The following POFUT1 variants were observed in gnomAD, a reference collection of about 807,000 sequenced individuals.
POFUT1 encodes the protein GDP-fucose protein O-fucosyltransferase 1.
POFUT1 carries 16 observed loss-of-function variants against 42.4 expected under a neutral mutation model. The ratio of observed to expected loss-of-function variants is 0.38; its 90% CI spans 0.26 to 0.57. POFUT1 has a LOEUF of 0.57. POFUT1 is among the 20% of genes least tolerant of loss of function. The pLI is 0.71. For synonymous variants in POFUT1, 206 were observed against 205.4 expected (o/e 1.00, Z -0.03); for missense variants, 470 against 504.6 (o/e 0.93, Z 0.66).
chr20:32,227,725 G>A (rs751455125), intron 4 of POFUT1, among the ~76,000 whole-genome samples: 3 of 152,228 alleles, frequency 2.0e-5, no homozygotes, highest in Non-Finnish European at 4.4e-5. Context: ...CCCTTCCATA[G>A]CGCAGGGACT....
At chr20:32,223,685 G>T in intron 4 of POFUT1, 1 of 985,356 alleles carries the variant, frequency 1.0e-6, no homozygotes, top group Middle Eastern at 5.2e-4. Context: ...GCCTGATCGG[G>T]TCTTTCTGGT....
At chr20:32,224,647 C>T (rs577009188) in intron 4 of POFUT1, among the ~76,000 whole-genome samples, 1 of 152,236 alleles carries the variant, frequency 6.6e-6, no homozygotes, top group African/African-American at 2.4e-5. Context: ...GGAACACTCC[C>T]TAAGGAGGTG....
chr20:32,226,678 A>G (rs1240176509), intron 4 of POFUT1, among the ~76,000 whole-genome samples: 1 of 152,188 alleles, frequency 6.6e-6, no homozygotes. Flanking sequence ...GTTTATATAA[A>G]TGGAACCATA....
intron 4 of POFUT1, chr20:32,216,981 C>T (rs202158895): frequency 2.5e-5 from 40 of 1,611,686 alleles, no homozygotes; most frequent in African/African-American, 8.0e-5. Context: ...ATTCTGCAGT[C>T]GCATGAGTCT....
intron 4 of POFUT1, among the ~76,000 whole-genome samples, chr20:32,226,311 T>C (rs1262356980): frequency 1.3e-5 from 2 of 152,214 alleles, no homozygotes; most frequent in African/African-American, 2.4e-5. Flanking sequence ...CAACCTCCCA[T>C]GTACCCTTTA....
intron 1 of POFUT1, among the ~76,000 whole-genome samples, chr20:32,209,503 G>T (rs1435096365): frequency 6.6e-6 from 1 of 152,174 alleles, no homozygotes; most frequent in Non-Finnish European, 1.5e-5. Context: ...AATCATATTT[G>T]TGAAATGAAT....
Position 32,210,095 on chromosome 20 carries a change from A to T in POFUT1, c.149A>T (p.His50Leu), listed in dbSNP as rs762752243. The change falls in exon 2 of 7, where the codon CAC (histidine) becomes CTC (leucine). Residue 50 changes from histidine to leucine, a missense_variant. His to Leu is a moderately conservative substitution (Grantham distance 99). Transcript: ENST00000375749. Reference protein sequence around the residue: ...CMGRFGNQADHFLGSLAFAKL... With the variant: ...CMGRFGNQADLFLGSLAFAKL... ...GGGCGCTTTGGGAACCAGGCCGATCACTTCTTGGGCTCTCTGGCATTTGCA... is the reference window on the plus strand; with the variant it reads ...GGGCGCTTTGGGAACCAGGCCGATCTCTTCTTGGGCTCTCTGGCATTTGCA... 6.2e-7 allele frequency: 1 copy of T among 1,614,052 alleles called. No homozygotes were observed. Among genetic ancestry groups the T allele is most frequent in the South Asian group, 1.1e-5 (1 of 91,078 alleles).
chr20:32,217,664 A>G lies in POFUT1; in HGVS notation c.542+943A>G, dbSNP rs926418458. 6.1e-6 allele frequency: 6 copies of G among 985,542 alleles called. No homozygotes were observed. The African/African-American group carries it at 7.0e-5, about 11-fold the overall frequency. The allele number at this position is 985,542 out of a possible 1,614,324, so 61.0% of individuals were successfully genotyped here. ...GAGTGAGATAGCCAGCGCTGATGGTATCTGCCTCGTAGTGCATGAAGTGCA... is the reference window on the plus strand; with the variant it reads ...GAGTGAGATAGCCAGCGCTGATGGTGTCTGCCTCGTAGTGCATGAAGTGCA... On this transcript the variant is annotated intron_variant, in intron 4 of 6. Coordinates refer to ENST00000375749, the MANE Select transcript of POFUT1 (RefSeq NM_015352.2).
At chr20:32,223,657 C>T (rs1194303269) in intron 4 of POFUT1, 46 of 985,328 alleles carry the variant, frequency 4.7e-5, no homozygotes, top group Non-Finnish European at 5.5e-5. Context: ...GAATTCCTTC[C>T]TTCTCTAACC....
Position 32,211,758 on chromosome 20 carries a change from C to T in POFUT1, c.246+1566C>T, listed in dbSNP as rs556082508. On this transcript the variant is annotated intron_variant, in intron 2 of 6. Transcript: ENST00000375749. Reference sequence around the variant, plus strand: ...CATTCTCACTGAGGTCACCAGTGACCTCCAAATTGGCAGGGGTTATTTCCC... The same window carrying T: ...CATTCTCACTGAGGTCACCAGTGACTTCCAAATTGGCAGGGGTTATTTCCC... 2.5e-4 allele frequency among the ~76,000 whole-genome samples: 38 copies of T among 152,310 alleles called. No individual in the cohort carries two copies. In the South Asian group the frequency reaches 3.1e-3, roughly 12 times the overall value.
chr20:32,217,249 T>C (rs1227159682), intron 4 of POFUT1: 6 of 1,392,062 alleles, frequency 4.3e-6, no homozygotes, highest in Non-Finnish European at 5.6e-6. Flanking sequence ...CAGAGGCCAA[T>C]GGTGATGTGT....
Position 32,234,672 on chromosome 20 carries a change from A to C in POFUT1, c.*11A>C, listed in dbSNP as rs759461335. On this transcript the variant is annotated 3_prime_UTR_variant, in exon 7 of 7. Coordinates refer to ENST00000375749, the MANE Select transcript of POFUT1 (RefSeq NM_015352.2). ...CGGGACGAGTTCTGATTCTGGCCGG[A>C]GCACCAGACCCTCTGATCCTGGAGG... 1 of 1,593,132 alleles carries C rather than the reference A, an allele frequency of 6.3e-7. No homozygotes were observed. Among genetic ancestry groups the C allele is most frequent in the Non-Finnish European group, 8.6e-7 (1 of 1,168,410 alleles).
Position 32,208,077 on chromosome 20 carries a change from C to G in POFUT1, c.124+12C>G. On this transcript the variant is annotated intron_variant, in intron 1 of 6. Transcript: ENST00000375749. The stretch of plus-strand genomic sequence containing the variant: ...CTGCCCCTGCATGGGTAAGGCCTCC[C>G]AAGCCCTCTGCTCAGATGGAGAAAC... The G allele has an allele frequency of 6.5e-7, 1 of 1,543,696 alleles. No homozygotes were observed. The highest frequency in any genetic ancestry group is 2.4e-5 in the East Asian group (1 of 40,842).
intron 1 of POFUT1, 94 bp downstream of exon 1, chr20:32,208,159 TC>T: frequency 7.8e-7 from 1 of 1,277,718 alleles, no homozygotes; most frequent in Non-Finnish European, 1.1e-6. Context: ...CCTTCACAGG[TC>T]CAGGAGAGAA....
chr20:32,217,752 T>A, intron 4 of POFUT1: 1 of 984,908 alleles, frequency 1.0e-6, no homozygotes, highest in South Asian at 4.7e-5. Context: ...TGCTTTATTT[T>A]ATTTAAGACT....
Position 32,210,065 on chromosome 20 carries a change from T to C in POFUT1, c.125-6T>C, listed in dbSNP as rs772495633. ...CCTCACCTCACCCGCAATGTACCAT[T>C]TCCAGGGCGCTTTGGGAACCAGGCC... On this transcript the variant is annotated splice_region_variant and splice_polypyrimidine_tract_variant and intron_variant, in intron 1 of 6. Coordinates refer to ENST00000375749, the MANE Select transcript of POFUT1 (RefSeq NM_015352.2). 1 of 1,614,144 alleles carries C rather than the reference T, an allele frequency of 6.2e-7. No individual in the cohort carries two copies. The highest frequency in any genetic ancestry group is 1.1e-5 in the South Asian group (1 of 91,086).
rs749368911 is a variant in POFUT1 at position 32,215,285 on chromosome 20, A to G, written c.263A>G (p.Gln88Arg). The G allele has an allele frequency of 1.2e-6, 2 of 1,612,280 alleles. No homozygotes were observed. Among genetic ancestry groups the G allele is most frequent in the South Asian group, 1.1e-5 (1 of 91,050 alleles). ...TTCCTGTAGCTCCATGTGTCCTACC[A>G]GAAGTACTTCAAGCTGGAGCCCCTC... ...PPFTNLHVSY[Q>R]KYFKLEPLQA... The change falls in exon 3 of 7, where the codon CAG becomes CGG. Residue 88 changes from glutamine (Q) to arginine (R), a missense_variant. By Grantham distance (43) the Gln-to-Arg change is conservative (BLOSUM62 1). Coordinates refer to ENST00000375749, the MANE Select transcript of POFUT1 (RefSeq NM_015352.2).
At chr20:32,234,303 C>T (rs2047457893) in intron 6 of POFUT1, among the ~76,000 whole-genome samples, 170 bp from the exon 7 acceptor site, 1 of 152,246 alleles carries the variant, frequency 6.6e-6, no homozygotes, top group African/African-American at 2.4e-5. Context: ...TGGGGTGGGC[C>T]TAGGCAGCAG....
At chr20:32,212,393 G>A (rs1453513472) in intron 2 of POFUT1, among the ~76,000 whole-genome samples, 2 of 151,690 alleles carry the variant, frequency 1.3e-5, no homozygotes, top group Admixed American at 6.6e-5. Flanking sequence ...CAGCCTCCAA[G>A]TAGCTGGGAT....
Sources: gnomAD v4.1 joint callset for allele counts (sites outside exome capture counted in the v4.1 genomes callset) on GRCh38, gnomAD v4.1.1 for gene constraint, MANE v1.5 for transcripts, NCBI Gene and HGNC (gene_info 2026-07-23, HGNC 2026-07-21) for gene names.